Variants in SVIL observed in about 807,000 individuals in gnomAD.
SVIL encodes the protein supervillin.
Under a neutral mutation model 240.4 loss-of-function variants are expected in SVIL, and 101 were observed. That is an observed-to-expected ratio of 0.42 (90% CI 0.36 to 0.50). SVIL has a LOEUF of 0.50. SVIL is among the 20% of genes least tolerant of loss of function. SVIL has a pLI of 0.01. For synonymous variants in SVIL, 999 were observed against 1,100.0 expected (o/e 0.91, Z 1.82); for missense variants, 2,512 against 2,818.7 (o/e 0.89, Z 2.46).
At chr10:29,487,745 G>A (rs1416129256) in intron 23 of SVIL, 1 of 155,264 alleles carries the variant, frequency 6.4e-6, no homozygotes, top group African/African-American at 2.4e-5. Context: ...GAACCCTAGG[G>A]GCCTCTCAAC....
upstream of SVIL, among the ~76,000 whole-genome samples, chr10:29,636,383 T>C (rs749747883): frequency 6.6e-6 from 1 of 152,204 alleles, no homozygotes; most frequent in Non-Finnish European, 1.5e-5. Context: ...AGAAAATGAA[T>C]CACTGTTACC....
chr10:29,616,781 G>A (rs1371887268), intron 1 of SVIL, among the ~76,000 whole-genome samples: 2 of 152,186 alleles, frequency 1.3e-5, no homozygotes, highest in Non-Finnish European at 2.9e-5. Context: ...GGAGTGCAGT[G>A]GCGTGATCTC....
chr10:29,535,506 C>T (rs1951681614), intron 7 of SVIL, among the ~76,000 whole-genome samples: 1 of 152,154 alleles, frequency 6.6e-6, no homozygotes, highest in African/African-American at 2.4e-5. Flanking sequence ...GTTTTGTTTG[C>T]TTTTAAAACC....
chr10:29,483,549 G>A (rs965358180), intron 27 of SVIL: 32 of 152,200 alleles, frequency 2.1e-4, no homozygotes, highest in African/African-American at 7.7e-4. Flanking sequence ...AAAACCAGTG[G>A]GTTAGGAGCT....
At position 29,498,088 on chromosome 10, in the gene SVIL, CAAAA is replaced by C. The variant is rs34280398; in HGVS notation, c.3664+1024_3664+1027del. On this transcript the variant is annotated intron_variant, in intron 18 of 37. Coordinates refer to ENST00000355867, the MANE Select transcript of SVIL (RefSeq NM_021738.3). The stretch of plus-strand genomic sequence containing the variant: ...CAGAGCGAGATTCTGTCCCCTCCAC[CAAAA>C]AAAAAAAAAAAAAAAAAAAAAAAAA... Among the ~76,000 whole-genome samples the C allele has an allele frequency of 1.6e-4, 6 of 37,482 alleles. No homozygotes were observed. In the Admixed American group the frequency reaches 2.0e-3, roughly 12 times the overall value. The allele number at this position is 37,482 out of a possible 152,430, so 24.6% of individuals were successfully genotyped here.
intron 6 of SVIL, among the ~76,000 whole-genome samples, chr10:29,541,942 AG>A (rs1952196412): frequency 6.6e-6 from 1 of 152,218 alleles, no homozygotes; most frequent in African/African-American, 2.4e-5. Flanking sequence ...CAGACAAAGC[AG>A]AAAGAGCTTT....
chr10:29,484,980 A>G lies in SVIL; in HGVS notation c.4780-149T>C, dbSNP rs113444697. ...CCAACACAGACACAAAAAGGCCAGG[A>G]GATCTCAGCTGGCACTGCCCCACCG... On this transcript the variant is annotated intron_variant, in intron 26 of 37. Coordinates refer to ENST00000355867, the MANE Select transcript of SVIL (RefSeq NM_021738.3). The surrounding 1 kb of genome is among the most constrained non-coding windows in gnomAD (Gnocchi z 4.7). 1.5e-5 allele frequency: 13 copies of G among 849,554 alleles called. No homozygotes were observed. The African/African-American group carries it at 1.7e-4, about 11-fold the overall frequency. 52.6% of individuals were successfully genotyped at this position (849,554 alleles called of 1,614,324 possible).
chr10:29,685,166 A>C (rs1031817337), intron 2 of SVIL, among the ~76,000 whole-genome samples: 1 of 152,100 alleles, frequency 6.6e-6, no homozygotes, highest in African/African-American at 2.4e-5. Flanking sequence ...ATGAGTACAT[A>C]CGGTATTTGG....
chr10:29,660,621 A>G (rs539081278), intron 2 of SVIL, among the ~76,000 whole-genome samples: 1 of 152,262 alleles, frequency 6.6e-6, no homozygotes, highest in Admixed American at 6.5e-5. Flanking sequence ...GAACGGGCCA[A>G]GAGAATCACA....
At chr10:29,640,658 A>G (rs914883022) in intron 3 of SVIL, among the ~76,000 whole-genome samples, 5 of 152,192 alleles carry the variant, frequency 3.3e-5, no homozygotes, top group Admixed American at 6.5e-5. Context: ...CCCCATCGGC[A>G]ACTTGGCCAC....
At chr10:29,584,054 T>C (rs1399401296) in intron 1 of SVIL, among the ~76,000 whole-genome samples, 1 of 151,940 alleles carries the variant, frequency 6.6e-6, no homozygotes. Flanking sequence ...CATAATCAGA[T>C]GGGGTGAGTG....
intron 28 of SVIL, among the ~76,000 whole-genome samples, chr10:29,481,133 G>GGTGTGTGGGT (rs1946786443): frequency 7.1e-6 from 1 of 141,324 alleles, no homozygotes; most frequent in Non-Finnish European, 1.5e-5. Flanking sequence ...TAGCTTTAAG[G>GGTGTGTGGGT]GTGTGTGTGT....
At chr10:29,666,862 C>T (rs999187214) in intron 2 of SVIL, among the ~76,000 whole-genome samples, 1 of 152,030 alleles carries the variant, frequency 6.6e-6, no homozygotes, top group African/African-American at 2.4e-5. Context: ...GTGTCTCCAC[C>T]CAAACCTCAT....
Position 29,529,688 on chromosome 10 carries a change from G to A in SVIL, c.2246+17C>T, listed in dbSNP as rs1391261374. ...AAGACACTATAGACAAGGCTGAGAAGTCCTGTGGGCACTTACGTGGCTGCG... is the reference window on the plus strand; with the variant it reads ...AAGACACTATAGACAAGGCTGAGAAATCCTGTGGGCACTTACGTGGCTGCG... On this transcript the variant is annotated intron_variant, in intron 12 of 37. Coordinates refer to ENST00000355867, the MANE Select transcript of SVIL (RefSeq NM_021738.3). The A allele has an allele frequency of 6.3e-7, 1 of 1,587,714 alleles. No individual in the cohort carries two copies. Among genetic ancestry groups the A allele is most frequent in the African/African-American group, 1.4e-5 (1 of 73,162 alleles).
chr10:29,733,365 C>A (rs1447609995), intron 1 of SVIL, among the ~76,000 whole-genome samples: 2 of 152,112 alleles, frequency 1.3e-5, no homozygotes, highest in Non-Finnish European at 2.9e-5. Context: ...AGCTCTGTTG[C>A]CCAGGCTGGA....
At chr10:29,653,849 T>A (rs1421236086) in intron 3 of SVIL, among the ~76,000 whole-genome samples, 1 of 152,158 alleles carries the variant, frequency 6.6e-6, no homozygotes, top group Non-Finnish European at 1.5e-5. Context: ...TCCACTGATT[T>A]ACTGAAAATT....
intron 1 of SVIL, among the ~76,000 whole-genome samples, chr10:29,624,335 C>T (rs553658248): frequency 2.0e-5 from 3 of 152,140 alleles, no homozygotes; most frequent in South Asian, 4.1e-4. Flanking sequence ...GTCAGGAGTT[C>T]AAGACCAGCC....
intron 1 of SVIL, among the ~76,000 whole-genome samples, chr10:29,590,001 A>G (rs1297099669): frequency 6.6e-6 from 1 of 151,628 alleles, no homozygotes; most frequent in Non-Finnish European, 1.5e-5. Context: ...CCCCGTCTCT[A>G]CTAAAAATGC....
At chr10:29,483,711 C>A (rs1947122514) in intron 27 of SVIL, 1 of 152,120 alleles carries the variant, frequency 6.6e-6, no homozygotes, top group African/African-American at 2.4e-5. Context: ...ATGGTTGTTA[C>A]CATACTGAGG....
Sources: allele counts gnomAD v4.1 joint callset (sites outside exome capture counted in the v4.1 genomes callset), GRCh38; gene constraint gnomAD v4.1.1; non-coding constraint Gnocchi (gnomAD v3.1); transcripts MANE v1.5; gene names NCBI Gene and HGNC (gene_info 2026-07-23, HGNC 2026-07-21).